Variants in FAM178B observed in about 807,000 individuals in gnomAD.
The protein encoded by FAM178B is family with sequence similarity 178 member B, also known as protein FAM178B.
FAM178B carries 82 observed loss-of-function variants against 91.7 expected under a neutral mutation model. That is an observed-to-expected ratio of 0.89 (90% CI 0.75 to 1.07). FAM178B has a LOEUF of 1.07. Ranked by LOEUF, FAM178B falls within the 50% of genes least tolerant of loss-of-function variation. FAM178B has a pLI of 0.00. For missense variants in FAM178B, 769 were observed against 846.7 expected (o/e 0.91, Z 1.14); for synonymous variants, 368 against 359.4 (o/e 1.02, Z -0.27).
intron 10 of FAM178B, 25 bp downstream of exon 10, chr2:96,923,465 G>A: frequency 6.5e-7 from 1 of 1,528,444 alleles, no homozygotes; most frequent in Non-Finnish European, 8.9e-7. Context: ...AGAGTGCCCT[G>A]CATGAGGCAG....
chr2:96,912,980 G>C (rs999771513), intron 12 of FAM178B, among the ~76,000 whole-genome samples: 1 of 152,206 alleles, frequency 6.6e-6, no homozygotes, highest in African/African-American at 2.4e-5. Flanking sequence ...TTGGAGCTGC[G>C]GCAGGAGCTC....
chr2:96,924,471 C>A (rs1038929198), intron 9 of FAM178B, among the ~76,000 whole-genome samples: 1 of 152,188 alleles, frequency 6.6e-6, no homozygotes, highest in Non-Finnish European at 1.5e-5. Flanking sequence ...ATGTTAGAGA[C>A]CAGGGCTGGG....
intron 8 of FAM178B, among the ~76,000 whole-genome samples, chr2:96,945,760 T>G (rs968414641): frequency 1.3e-5 from 2 of 152,236 alleles, no homozygotes; most frequent in Admixed American, 1.3e-4. Flanking sequence ...TGATCTTTAG[T>G]CCTGACTCCT....
At chr2:96,975,903 G>A (rs538064613) in intron 1 of FAM178B, among the ~76,000 whole-genome samples, 1 of 151,498 alleles carries the variant, frequency 6.6e-6, no homozygotes, top group South Asian at 2.1e-4. Context: ...ATGAACCACC[G>A]CGCCCGATCT....
chr2:96,876,251 C>T lies in FAM178B; in HGVS notation c.*25G>A. 6.2e-7 allele frequency: 1 copy of T among 1,605,758 alleles called. No homozygotes were observed. Among genetic ancestry groups the T allele is most frequent in the Non-Finnish European group, 8.5e-7 (1 of 1,176,816 alleles). On this transcript the variant is annotated 3_prime_UTR_variant, in exon 17 of 17. Coordinates refer to ENST00000490605, the MANE Select transcript of FAM178B (RefSeq NM_001122646.3). ...TTCACTTCCTGCTGAAGCCAGGAGC[C>T]CTGGGCTGCCCTGACCCTGTCCCTT... is the stretch of plus-strand genomic sequence containing the variant.
At chr2:96,892,986 CAT>C (rs1250772084) in intron 14 of FAM178B, among the ~76,000 whole-genome samples, 2 of 152,248 alleles carry the variant, frequency 1.3e-5, no homozygotes, top group Admixed American at 1.3e-4. Context: ...ACCTTCCCCA[CAT>C]GTTCCAGAAG....
In FAM178B at chr2:96,986,331, G is replaced by A. The variant is rs777157082; in HGVS notation, c.-18C>T. 2 of 1,532,092 alleles carry A rather than the reference G, an allele frequency of 1.3e-6. No homozygotes were observed. The highest frequency in any genetic ancestry group is 2.2e-4 in the Middle Eastern group (1 of 4,458). 94.9% of individuals were successfully genotyped at this position (1,532,092 alleles called of 1,614,324 possible). On this transcript the variant is annotated 5_prime_UTR_variant, in exon 1 of 17. Transcript: ENST00000490605. Reference sequence around the variant, plus strand: ...GGCCACATAGGGCGGGAAGGGCAGGGCTCCGGGGTGAGGGAGGGTGGCGGG... The same window carrying A: ...GGCCACATAGGGCGGGAAGGGCAGGACTCCGGGGTGAGGGAGGGTGGCGGG...
At chr2:96,903,081 C>T (rs2080965577) in intron 12 of FAM178B, among the ~76,000 whole-genome samples, 1 of 152,180 alleles carries the variant, frequency 6.6e-6, no homozygotes. Context: ...GCTCTGTCGC[C>T]CAGGCTGGAG....
chr2:96,908,312 C>T lies in FAM178B; in HGVS notation c.1563-5605G>A, dbSNP rs188174772. Among the ~76,000 whole-genome samples, 511 of 152,320 alleles carry T rather than the reference C, an allele frequency of 3.4e-3. 5 individuals are homozygous for T. Among genetic ancestry groups the T allele is most frequent in the African/African-American group, 0.012 (502 of 41,568 alleles). ...GTCTATATATAACCACGCACATTGACGTGGAGAGGCCCCACAAACCAGGTG... is the reference window on the plus strand; with the variant it reads ...GTCTATATATAACCACGCACATTGATGTGGAGAGGCCCCACAAACCAGGTG... On this transcript the variant is annotated intron_variant, in intron 12 of 16. Coordinates refer to ENST00000490605, the MANE Select transcript of FAM178B (RefSeq NM_001122646.3).
chr2:96,911,674 C>G (rs979625998), intron 12 of FAM178B, among the ~76,000 whole-genome samples: 3 of 152,214 alleles, frequency 2.0e-5, no homozygotes, highest in Non-Finnish European at 4.4e-5. Context: ...GTGGGATGCT[C>G]TGGCGGAAAT....
At chr2:96,919,885 AG>A (rs2081304163) in intron 12 of FAM178B, among the ~76,000 whole-genome samples, 1 of 152,212 alleles carries the variant, frequency 6.6e-6, no homozygotes, top group Non-Finnish European at 1.5e-5. Context: ...ACTGAAGCGG[AG>A]CCCAGGACAA....
At chr2:96,984,982 A>C (rs184856537) in intron 1 of FAM178B, among the ~76,000 whole-genome samples, 4 of 152,316 alleles carry the variant, frequency 2.6e-5, no homozygotes, top group African/African-American at 9.6e-5. Flanking sequence ...ACCGACAAAA[A>C]GCTGCCAAGT....
chr2:96,931,026 C>T (rs995985953), intron 8 of FAM178B, among the ~76,000 whole-genome samples: 1 of 152,142 alleles, frequency 6.6e-6, no homozygotes, highest in African/African-American at 2.4e-5. Flanking sequence ...TATAAATTAC[C>T]CAGACTAAGG....
chr2:96,953,659 A>T (rs1418758334), intron 6 of FAM178B, among the ~76,000 whole-genome samples: 3 of 152,240 alleles, frequency 2.0e-5, no homozygotes, highest in African/African-American at 7.2e-5. Flanking sequence ...CAGAAAGGAC[A>T]TAGTCCTGCT....
intron 6 of FAM178B, among the ~76,000 whole-genome samples, chr2:96,955,372 G>T (rs1405909005): frequency 6.6e-6 from 1 of 152,158 alleles, no homozygotes; most frequent in East Asian, 1.9e-4. Flanking sequence ...TTAGCCAAGT[G>T]TGGTGGTGGG....
chr2:96,986,474 A>G lies in FAM178B; in HGVS notation c.-161T>C. 1.3e-6 allele frequency: 1 copy of G among 789,916 alleles called. No homozygotes were observed. Among genetic ancestry groups the G allele is most frequent in the Non-Finnish European group, 1.9e-6 (1 of 516,448 alleles). 48.9% of individuals were successfully genotyped at this position (789,916 alleles called of 1,614,324 possible). A position where few individuals can be genotyped will look rare whatever the true frequency, so the allele number is the denominator to read the frequency against. On this transcript the variant is annotated 5_prime_UTR_variant, in exon 1 of 17. Transcript: ENST00000490605. Reference sequence around the variant, plus strand: ...TGCGTCCCTAGATCCAGGGCCGCCAACGTGGAACCTAAAGATCCAGTTCTG... The same window carrying G: ...TGCGTCCCTAGATCCAGGGCCGCCAGCGTGGAACCTAAAGATCCAGTTCTG...
At chr2:96,901,440 C>T (rs1489353464) in intron 13 of FAM178B, among the ~76,000 whole-genome samples, 1 of 152,138 alleles carries the variant, frequency 6.6e-6, no homozygotes, top group Non-Finnish European at 1.5e-5. Flanking sequence ...TCCCAAAGTG[C>T]TGGGATTACA....
chr2:96,926,971 G>C (rs2081450796), intron 9 of FAM178B, among the ~76,000 whole-genome samples: 1 of 152,328 alleles, frequency 6.6e-6, no homozygotes, highest in East Asian at 1.9e-4. Context: ...ATCCCTGGAA[G>C]TCAGCAGAAA....
At chr2:96,976,251 G>T (rs1366904318) in intron 1 of FAM178B, among the ~76,000 whole-genome samples, 1 of 151,714 alleles carries the variant, frequency 6.6e-6, no homozygotes, top group African/African-American at 2.4e-5. Context: ...GTGCCACCAT[G>T]CCCGGCTAAT....
Sources: gnomAD v4.1 joint callset for allele counts (sites outside exome capture counted in the v4.1 genomes callset) on GRCh38, gnomAD v4.1.1 for gene constraint, MANE v1.5 for transcripts, NCBI Gene and HGNC (gene_info 2026-07-23, HGNC 2026-07-21) for gene names.